The following FHOD3 variants were observed in gnomAD, a reference collection of about 807,000 sequenced individuals.
FHOD3 encodes FH1/FH2 domain-containing protein 3.
A neutral mutation model predicts 173.0 loss-of-function variants in FHOD3; 90 were observed. The observed-to-expected ratio is 0.52, with a 90% CI of 0.44 to 0.62. The LOEUF (loss-of-function observed/expected upper bound fraction) is 0.62, where lower values mean the gene tolerates loss of function less well. Among genes scored for constraint, FHOD3 ranks in the 20% least tolerant of loss-of-function variants. The pLI, the probability that FHOD3 is intolerant of heterozygous loss-of-function variation, is 0.00. For synonymous variants in FHOD3, 828 were observed against 823.0 expected (o/e 1.01, Z -0.10); for missense variants, 1,945 against 2,034.7 (o/e 0.96, Z 0.85).
chr18:36,599,566 T>A (rs1388276765), intron 7 of FHOD3, among the ~76,000 whole-genome samples: 1 of 152,226 alleles, frequency 6.6e-6, no homozygotes, highest in Non-Finnish European at 1.5e-5. Context: ...ACATGGAACA[T>A]GCTGTGAGGA....
chr18:36,476,778 A>G (rs1339852072), intron 3 of FHOD3, among the ~76,000 whole-genome samples: 2 of 152,232 alleles, frequency 1.3e-5, no homozygotes, highest in South Asian at 4.1e-4. Context: ...TCTTAAGTGT[A>G]AAGATCCAAA....
At chr18:36,378,676 TTTTG>T (rs145951100) in intron 3 of FHOD3, among the ~76,000 whole-genome samples, 32,194 of 151,080 alleles carry the variant, frequency 0.21, 3,988 homozygotes, top group East Asian at 0.66. Flanking sequence ...AGAGTGTAGT[TTTTG>T]TTTGTTTGTT....
intron 1 of FHOD3, among the ~76,000 whole-genome samples, chr18:36,298,204 G>A (rs1465226712): frequency 6.6e-6 from 1 of 152,138 alleles, no homozygotes; most frequent in Non-Finnish European, 1.5e-5. Context: ...TCCGGGGCGG[G>A]CGGGAAGGAA....
chr18:36,750,199 G>T (rs1272515314), intron 24 of FHOD3, among the ~76,000 whole-genome samples: 1 of 152,146 alleles, frequency 6.6e-6, no homozygotes, highest in African/African-American at 2.4e-5. Context: ...TAAGACAGGA[G>T]AATGGCATGA....
At position 36,656,692 on chromosome 18, in the gene FHOD3, T is replaced by C. The variant is rs955796660; in HGVS notation, c.1722-1383T>C. On this transcript the variant is annotated intron_variant, in intron 13 of 28. Coordinates refer to ENST00000590592, the MANE Select transcript of FHOD3 (RefSeq NM_001281740.3). ...TGAGTATATTTTTGCACAGTTGTGATCAAACTGTGTATATTATATCCTGAT... is the reference window on the plus strand; with the variant it reads ...TGAGTATATTTTTGCACAGTTGTGACCAAACTGTGTATATTATATCCTGAT... Among the ~76,000 whole-genome samples the C allele has an allele frequency of 9.2e-5, 14 of 152,244 alleles. 1 individual carries two copies. Among genetic ancestry groups the C allele is most frequent in the Non-Finnish European group, 2.1e-4 (14 of 68,040 alleles).
chr18:36,391,862 G>T (rs2048315661), intron 3 of FHOD3, among the ~76,000 whole-genome samples: 1 of 152,162 alleles, frequency 6.6e-6, no homozygotes. Flanking sequence ...CCCTGTGTCT[G>T]CTGACTCCTA....
chr18:36,720,753 C>T (rs1427182294), intron 19 of FHOD3, among the ~76,000 whole-genome samples: 1 of 137,774 alleles, frequency 7.3e-6, no homozygotes, highest in Admixed American at 7.4e-5. Context: ...TCCTTCTTCT[C>T]CTCCTGCTCC....
intron 1 of FHOD3, among the ~76,000 whole-genome samples, chr18:36,346,830 C>A (rs1448873134): frequency 6.6e-6 from 1 of 152,230 alleles, no homozygotes; most frequent in African/African-American, 2.4e-5. Context: ...GGCAGTGAGG[C>A]TCCCCCTCCA....
At chr18:36,689,452 C>T (rs1190572293) in intron 16 of FHOD3, among the ~76,000 whole-genome samples, 3 of 152,092 alleles carry the variant, frequency 2.0e-5, no homozygotes, top group African/African-American at 2.4e-5. Flanking sequence ...GGTGTAGTGA[C>T]CATCTGGATA....
chr18:36,333,810 G>A (rs2045151335), intron 1 of FHOD3, among the ~76,000 whole-genome samples: 2 of 152,208 alleles, frequency 1.3e-5, no homozygotes, highest in African/African-American at 4.8e-5. Context: ...ACTTATCCAT[G>A]CTTAAGTTTG....
chr18:36,499,758 A>G (rs974695884), intron 3 of FHOD3, among the ~76,000 whole-genome samples: 3 of 152,200 alleles, frequency 2.0e-5, no homozygotes, highest in Admixed American at 2.0e-4. Flanking sequence ...TCTTCGGGTC[A>G]GAGATGAATT....
chr18:36,370,357 T>G (rs1002960215), intron 2 of FHOD3, among the ~76,000 whole-genome samples: 2 of 152,196 alleles, frequency 1.3e-5, no homozygotes, highest in African/African-American at 2.4e-5. Flanking sequence ...CTCTCTTAAT[T>G]TCCATTAGGG....
chr18:36,565,175 A>C (rs1201951815), intron 5 of FHOD3, among the ~76,000 whole-genome samples: 1 of 152,130 alleles, frequency 6.6e-6, no homozygotes, highest in Non-Finnish European at 1.5e-5. Context: ...AACAATATCA[A>C]CCTCTTTTTA....
At chr18:36,541,808 A>G (rs2057233135) in intron 5 of FHOD3, among the ~76,000 whole-genome samples, 1 of 152,230 alleles carries the variant, frequency 6.6e-6, no homozygotes, top group African/African-American at 2.4e-5. Flanking sequence ...CAGAATTGGA[A>G]TGAACCTCAG....
intron 6 of FHOD3, among the ~76,000 whole-genome samples, chr18:36,584,523 C>G (rs2058961660): frequency 6.6e-6 from 1 of 152,182 alleles, no homozygotes; most frequent in Admixed American, 6.5e-5. Context: ...GCACTATTGT[C>G]TTAAATCCAT....
intron 5 of FHOD3, among the ~76,000 whole-genome samples, chr18:36,545,900 C>A (rs930675495): frequency 6.6e-6 from 1 of 152,192 alleles, no homozygotes; most frequent in African/African-American, 2.4e-5. Context: ...GGCTTATACC[C>A]CCACAACTAT....
chr18:36,657,990 TA>T, intron 13 of FHOD3, 84 bp from the exon 14 acceptor site: 3 of 1,016,974 alleles, frequency 2.9e-6, no homozygotes, highest in Admixed American at 2.1e-5. Flanking sequence ...TTGCAAAAAT[TA>T]AAATGGTTTG....
At position 36,369,492 on chromosome 18, in the gene FHOD3, C is replaced by T. The variant is rs1264227133; in HGVS notation, c.273-3188C>T. Among the ~76,000 whole-genome samples the T allele has an allele frequency of 5.1e-3, 605 of 119,108 alleles. 6 individuals carry two copies. Among genetic ancestry groups the T allele is most frequent in the South Asian group, 7.8e-3 (27 of 3,450 alleles). The allele number at this position is 119,108 out of a possible 152,430, so 78.1% of individuals were successfully genotyped here. A position where few individuals can be genotyped will look rare whatever the true frequency, so the allele number is the denominator to read the frequency against. On this transcript the variant is annotated intron_variant, in intron 2 of 28. Transcript: ENST00000590592. ...ACACACACACACACACACACACACA[C>T]ACACACATATATATAGAGAGAGAGA...
intron 1 of FHOD3, among the ~76,000 whole-genome samples, chr18:36,323,360 G>C (rs2044500983): frequency 6.6e-6 from 1 of 152,214 alleles, no homozygotes; most frequent in South Asian, 2.1e-4. Context: ...CAAGAGTGCA[G>C]ATCTTGAGGA....
Sources: allele counts gnomAD v4.1 joint callset (sites outside exome capture counted in the v4.1 genomes callset), GRCh38; gene constraint gnomAD v4.1.1; transcripts MANE v1.5; gene names NCBI Gene and HGNC (gene_info 2026-07-23, HGNC 2026-07-21).